Variants in AKAP13 observed in about 807,000 individuals in gnomAD.
The protein encoded by AKAP13 is A-kinase anchoring protein 13, also known as A-kinase anchor protein 13.
In AKAP13, 80 loss-of-function variants were observed where a neutral mutation model predicts 264.5. The ratio of observed to expected loss-of-function variants is 0.30; its 90% CI spans 0.25 to 0.36. The LOEUF is 0.36. AKAP13 is among the 10% of genes least tolerant of loss of function. The pLI, the probability that AKAP13 is intolerant of heterozygous loss-of-function variation, is 1.00. For missense variants in AKAP13, 3,712 were observed against 3,435.2 expected (o/e 1.08, Z -2.01); for synonymous variants, 1,380 against 1,250.2 (o/e 1.10, Z -2.19).
Position 85,579,788 on chromosome 15 carries a change from C to T in AKAP13, c.1720C>T (p.Arg574Cys), listed in dbSNP as rs2061824. ...AGCAGAAACGGAAACTTCACGAAGT[C>T]GTGAGGAGAGTGCTGATGCTCCAGT... Reference protein sequence around the residue: ...KTAETETSRSREESADAPVDQ... With the variant: ...KTAETETSRSCEESADAPVDQ... The change falls in exon 7 of 37, where the codon CGT (arginine) becomes TGT (cysteine). Residue 574 changes from arginine to cysteine, a missense_variant. This residue lies in a region of AKAP13 where 2,759 missense variants were observed against 2,411.7 expected (regional missense o/e 1.14). Coordinates refer to ENST00000394518, the MANE Select transcript of AKAP13 (RefSeq NM_007200.5). 0.63 allele frequency: 1,018,273 copies of T among 1,613,834 alleles called. 322,820 individuals are homozygous for T. The highest frequency in any genetic ancestry group is 0.69 in the Middle Eastern group (4,184 of 6,062).
intron 33 of AKAP13, among the ~76,000 whole-genome samples, chr15:85,739,175 GCTCT>G (rs950464400): frequency 1.3e-5 from 2 of 152,166 alleles, no homozygotes; most frequent in African/African-American, 2.4e-5. Flanking sequence ...TTTTTTCACA[GCTCT>G]CTGATTATTT....
intron 1 of AKAP13, among the ~76,000 whole-genome samples, chr15:85,434,159 G>C (rs538922275): frequency 6.6e-6 from 1 of 152,234 alleles, no homozygotes; most frequent in Non-Finnish European, 1.5e-5. Flanking sequence ...CCTCACTTGG[G>C]AAGTGCAAGG....
chr15:85,645,760 T>C, intron 9 of AKAP13, 58 bp from the exon 10 acceptor site: 8 of 1,485,094 alleles, frequency 5.4e-6, no homozygotes, highest in Non-Finnish European at 7.1e-6. Context: ...GTTCTTTTTG[T>C]TTTTTGGTTT....
intron 2 of AKAP13, among the ~76,000 whole-genome samples, chr15:85,511,900 G>A (rs1335944977): frequency 2.0e-5 from 3 of 152,012 alleles, no homozygotes; most frequent in Non-Finnish European, 4.4e-5. Context: ...TTGTGTTTTT[G>A]TATTATTTTC....
chr15:85,688,985 T>C (rs2085104569), intron 16 of AKAP13, among the ~76,000 whole-genome samples: 1 of 152,214 alleles, frequency 6.6e-6, no homozygotes, highest in Admixed American at 6.5e-5. Context: ...AAAGGGAGTG[T>C]GGAATGACCC....
At chr15:85,477,128 C>G (rs980539446) in intron 1 of AKAP13, among the ~76,000 whole-genome samples, 1 of 152,036 alleles carries the variant, frequency 6.6e-6, no homozygotes, top group Non-Finnish European at 1.5e-5. Context: ...AGTAAAGGCA[C>G]TGGTATCCCA....
At chr15:85,418,278 A>T in intron 1 of AKAP13, among the ~76,000 whole-genome samples, 1 of 151,972 alleles carries the variant, frequency 6.6e-6, no homozygotes. Flanking sequence ...ACAGGGTCTC[A>T]CTTTGTTGCC....
intron 21 of AKAP13, among the ~76,000 whole-genome samples, chr15:85,717,612 T>C (rs1272462224): frequency 6.6e-6 from 1 of 152,224 alleles, no homozygotes; most frequent in Non-Finnish European, 1.5e-5. Flanking sequence ...GTCATTTATT[T>C]CGATGTGGGC....
intron 6 of AKAP13, among the ~76,000 whole-genome samples, chr15:85,578,536 A>G (rs912480907): frequency 1.3e-5 from 2 of 151,884 alleles, no homozygotes; most frequent in East Asian, 1.9e-4. Flanking sequence ...TAGTAGAGAC[A>G]GGGTTTCTCC....
intron 1 of AKAP13, among the ~76,000 whole-genome samples, chr15:85,483,632 CAAAAAAA>C (rs35648447): frequency 3.4e-5 from 2 of 58,000 alleles, no homozygotes; most frequent in Non-Finnish European, 6.2e-5. Context: ...GACTCCGTCT[CAAAAAAA>C]AAAAAAAAAA....
chr15:85,458,138 C>T (rs75032907), intron 1 of AKAP13, among the ~76,000 whole-genome samples: 1 of 110,698 alleles, frequency 9.0e-6, no homozygotes, highest in East Asian at 2.7e-4. Flanking sequence ...GACTCCATCT[C>T]AAAAAAAAAA....
chr15:85,631,498 T>TCACACACACACACACA (rs1202064107), intron 8 of AKAP13, among the ~76,000 whole-genome samples: 5 of 66,532 alleles, frequency 7.5e-5, no homozygotes, highest in African/African-American at 2.4e-4. Context: ...TCTCTCTCTC[T>TCACACACACACACACA]CTCTCACACA....
intron 8 of AKAP13, among the ~76,000 whole-genome samples, chr15:85,631,931 A>G (rs542211703): frequency 1.3e-5 from 2 of 152,364 alleles, no homozygotes; most frequent in South Asian, 2.1e-4. Flanking sequence ...TAAAAGGAAT[A>G]TAAGTTGTCT....
intron 1 of AKAP13, among the ~76,000 whole-genome samples, chr15:85,392,514 A>G (rs758138298): frequency 3.9e-5 from 6 of 152,150 alleles, no homozygotes; most frequent in Admixed American, 2.0e-4. Flanking sequence ...TGGCCTCCCA[A>G]AGTGCTGGGA....
intron 12 of AKAP13, among the ~76,000 whole-genome samples, chr15:85,661,614 G>A (rs12443379): frequency 8.5e-5 from 13 of 152,062 alleles, no homozygotes; most frequent in Admixed American, 5.9e-4. Flanking sequence ...CCAGCTACTC[G>A]GGAGGCTGAG....
chr15:85,661,711 A>C (rs1375989338), intron 12 of AKAP13, among the ~76,000 whole-genome samples: 9 of 152,048 alleles, frequency 5.9e-5, no homozygotes, highest in Non-Finnish European at 2.9e-5. Flanking sequence ...ACAAGAGTGA[A>C]ACTCCGTCTT....
intron 5 of AKAP13, chr15:85,555,431 T>C (rs1197272534): frequency 7.8e-7 from 1 of 1,288,914 alleles, no homozygotes. Context: ...AAAGCTGTAG[T>C]ATGAAGCCAA....
At chr15:85,726,365 A>AAT in intron 26 of AKAP13, 45 bp from the exon 27 acceptor site, 2 of 1,518,664 alleles carry the variant, frequency 1.3e-6, no homozygotes, top group Non-Finnish European at 1.8e-6. Flanking sequence ...GTAACTATTA[A>AAT]GTAGTCATCG....
In AKAP13 at chr15:85,722,227, CAGA is replaced by C; in HGVS notation, c.6383_6385del (p.Lys2128del). On this transcript the variant is annotated splice_acceptor_variant and coding_sequence_variant, in exon 25 of 37. Transcript: ENST00000394518. LOFTEE classifies it high-confidence loss of function. ...TCCTCACAGTCTGTTTACTCCCTTG[CAGA>C]AGAAGATGAGCAGTTCAGTTGTTAG... The C allele has an allele frequency of 1.2e-6, 2 of 1,612,182 alleles. No individual in the cohort carries two copies. The highest frequency in any genetic ancestry group is 1.7e-6 in the Non-Finnish European group (2 of 1,178,974).
Sources: gnomAD v4.1 joint callset for allele counts (sites outside exome capture counted in the v4.1 genomes callset) on GRCh38, gnomAD v4.1.1 for gene constraint, gnomAD v4.1.1 regional missense constraint, MANE v1.5 for transcripts, NCBI Gene and HGNC (gene_info 2026-07-23, HGNC 2026-07-21) for gene names.